The following LRRC4C variants were observed in gnomAD, a reference collection of about 807,000 sequenced individuals.
The protein encoded by LRRC4C is leucine-rich repeat-containing protein 4C.
LRRC4C carries 5 observed loss-of-function variants against 33.6 expected under a neutral mutation model. The ratio of observed to expected loss-of-function variants is 0.15; its 90% CI spans 0.08 to 0.31. The LOEUF (loss-of-function observed/expected upper bound fraction) is 0.31. Among genes scored for constraint, LRRC4C ranks in the 10% least tolerant of loss-of-function variants. The pLI, the probability that LRRC4C is intolerant of heterozygous loss-of-function variation, is 1.00. For missense variants in LRRC4C, 560 were observed against 796.7 expected, an observed-to-expected ratio of 0.70 and a Z score of 3.58; for synonymous variants, 329 against 302.0, an observed-to-expected ratio of 1.09 and a Z score of -0.93.
chr11:41,088,489 A>G (rs1940168917), intron 1 of LRRC4C, among the ~76,000 whole-genome samples: 1 of 152,044 alleles, frequency 6.6e-6, no homozygotes. Flanking sequence ...AACTGTATCA[A>G]TTATACAAAC....
Position 40,327,531 on chromosome 11 carries a change from G to A in LRRC4C, c.-269-7810C>T, listed in dbSNP as rs76792175. Among the ~76,000 whole-genome samples the A allele has an allele frequency of 5.4e-3, 828 of 152,248 alleles. 7 individuals carry two copies. The highest frequency in any genetic ancestry group is 9.0e-3 in the Non-Finnish European group (612 of 68,018). Reference sequence around the variant, plus strand: ...AGCGATATTCATCAAAAGCTATGGAGCTTCAAAATAATCTTGGATTTGAGT... The same window carrying A: ...AGCGATATTCATCAAAAGCTATGGAACTTCAAAATAATCTTGGATTTGAGT... On this transcript the variant is annotated intron_variant, in intron 3 of 6. Transcript: ENST00000528697.
chr11:40,368,449 A>C (rs1057475702), intron 3 of LRRC4C, among the ~76,000 whole-genome samples: 1 of 152,168 alleles, frequency 6.6e-6, no homozygotes, highest in African/African-American at 2.4e-5. Context: ...TAACCATAAT[A>C]AACTTAGTAC....
chr11:40,486,514 A>T (rs1590886228), intron 3 of LRRC4C, among the ~76,000 whole-genome samples: 1 of 152,102 alleles, frequency 6.6e-6, no homozygotes, highest in Non-Finnish European at 1.5e-5. Flanking sequence ...GCTTTAAAAA[A>T]TACTGTGTAA....
intron 5 of LRRC4C, among the ~76,000 whole-genome samples, chr11:40,220,456 C>T (rs1864321985): frequency 6.6e-6 from 1 of 152,190 alleles, no homozygotes; most frequent in South Asian, 2.1e-4. Context: ...CATTTTTATT[C>T]CTACCTATAT....
chr11:40,527,933 G>T (rs1267686300), intron 3 of LRRC4C, among the ~76,000 whole-genome samples: 1 of 151,908 alleles, frequency 6.6e-6, no homozygotes, highest in Non-Finnish European at 1.5e-5. Context: ...CTTAGTAGAG[G>T]TGGGGTTTCT....
chr11:40,133,706 T>G lies in LRRC4C; in HGVS notation c.-43+7095A>C, dbSNP rs377575637. 5.2e-4 allele frequency among the ~76,000 whole-genome samples: 79 copies of G among 152,252 alleles called. 2 individuals carry two copies. The South Asian group carries it at 0.016, about 31-fold the overall frequency. On this transcript the variant is annotated intron_variant, in intron 6 of 6. Transcript: ENST00000528697. ...GCTCCACTGAGGGAGTGTGTATGAT[T>G]GCGTAGATCCTTGTAAGTAGTCTGG...
At chr11:41,303,422 G>T (rs1950346851) in intron 1 of LRRC4C, among the ~76,000 whole-genome samples, 1 of 130,506 alleles carries the variant, frequency 7.7e-6, no homozygotes, top group African/African-American at 2.8e-5. Context: ...GCAGGGGCGT[G>T]ATCTCGGCTC....
chr11:40,413,957 T>C (rs1165430089), intron 3 of LRRC4C, among the ~76,000 whole-genome samples: 1 of 152,140 alleles, frequency 6.6e-6, no homozygotes, highest in Non-Finnish European at 1.5e-5. Flanking sequence ...TGAATTTTAA[T>C]GTTATTTAAA....
At chr11:41,398,783 G>A (rs962786798) in intron 1 of LRRC4C, among the ~76,000 whole-genome samples, 14 of 151,784 alleles carry the variant, frequency 9.2e-5, no homozygotes, top group Middle Eastern at 3.2e-3. Flanking sequence ...ATTCTACCAT[G>A]GTAAAGCCTA....
chr11:40,921,601 GT>G (rs926808055), intron 2 of LRRC4C, among the ~76,000 whole-genome samples: 1 of 151,992 alleles, frequency 6.6e-6, no homozygotes, highest in African/African-American at 2.4e-5. Flanking sequence ...TAATCACCTT[GT>G]TTTTTTCAAC....
intron 3 of LRRC4C, among the ~76,000 whole-genome samples, chr11:40,340,603 T>C (rs1946824568): frequency 6.6e-6 from 1 of 152,180 alleles, no homozygotes; most frequent in South Asian, 2.1e-4. Context: ...CTCTGACAAG[T>C]GCAGTGCAAC....
chr11:40,369,945 A>G (rs1590482237), intron 3 of LRRC4C, among the ~76,000 whole-genome samples: 2 of 152,350 alleles, frequency 1.3e-5, no homozygotes, highest in South Asian at 4.1e-4. Context: ...TGGAAGATGT[A>G]CCAAATGTTT....
At chr11:40,569,917 A>G (rs906468582) in intron 3 of LRRC4C, among the ~76,000 whole-genome samples, 1 of 151,582 alleles carries the variant, frequency 6.6e-6, no homozygotes, top group Non-Finnish European at 1.5e-5. Context: ...GCTGAGAAAT[A>G]TTCATAAAAG....
At chr11:40,464,954 A>G (rs765889637) in intron 3 of LRRC4C, among the ~76,000 whole-genome samples, 3 of 140,434 alleles carry the variant, frequency 2.1e-5, no homozygotes, top group African/African-American at 3.2e-5. Context: ...ACAGAATTAG[A>G]AAAAAACAGT....
In LRRC4C at chr11:41,059,366, GTAT is replaced by G. The variant is rs553409486; in HGVS notation, c.-495-125646_-495-125644del. 5.7e-4 allele frequency among the ~76,000 whole-genome samples: 87 copies of G among 151,916 alleles called. 1 individual carries two copies. The Middle Eastern group carries it at 0.01, about 18-fold the overall frequency. The stretch of plus-strand genomic sequence containing the variant: ...AAACACAGAGAAACTTGATAAACAG[GTAT>G]TATAGCTTTCTTAAAGAGAGATACA... On this transcript the variant is annotated intron_variant, in intron 1 of 6. Coordinates refer to ENST00000528697, the MANE Select transcript of LRRC4C (RefSeq NM_001258419.2).
chr11:41,037,905 C>T (rs1331902348), intron 1 of LRRC4C, among the ~76,000 whole-genome samples: 6 of 152,168 alleles, frequency 3.9e-5, no homozygotes, highest in African/African-American at 1.4e-4. Flanking sequence ...TTTTTACCCA[C>T]ATTTATTTCC....
rs143129345 is a variant in LRRC4C at position 41,202,745 on chromosome 11, T to A, written c.-496+256686A>T. ...AAGACAAAATTTCCCCAAACAACTA[T>A]TTAACAATAAACTAGGTCTCTCAGA... On this transcript the variant is annotated intron_variant, in intron 1 of 6. Transcript: ENST00000528697. Among the ~76,000 whole-genome samples, 10 of 152,042 alleles carry A rather than the reference T, an allele frequency of 6.6e-5. No individual in the cohort carries two copies. In the East Asian group the frequency reaches 1.9e-3, roughly 30 times the overall value.
chr11:40,305,816 A>G (rs72893128), intron 4 of LRRC4C, among the ~76,000 whole-genome samples: 9,474 of 152,260 alleles, frequency 0.062, 315 homozygotes, highest in Admixed American at 0.076. Flanking sequence ...CTACAGAATT[A>G]CAAAGATTAA....
intron 2 of LRRC4C, among the ~76,000 whole-genome samples, chr11:40,837,321 A>T (rs1266846960): frequency 6.6e-6 from 1 of 152,116 alleles, no homozygotes; most frequent in Non-Finnish European, 1.5e-5. Context: ...AATAAACTTT[A>T]TGATGTCCAG....
Sources: gnomAD v4.1 joint callset for allele counts (sites outside exome capture counted in the v4.1 genomes callset) on GRCh38, gnomAD v4.1.1 for gene constraint, MANE v1.5 for transcripts, NCBI Gene and HGNC (gene_info 2026-07-23, HGNC 2026-07-21) for gene names.